Variants in NELL1 observed in about 807,000 individuals in gnomAD.
The protein encoded by NELL1 is protein kinase C-binding protein NELL1.
NELL1 carries 76 observed loss-of-function variants against 107.4 expected under a neutral mutation model. That is an observed-to-expected ratio of 0.71 (90% confidence interval 0.59 to 0.86). The LOEUF (loss-of-function observed/expected upper bound fraction) is 0.86, where lower values mean the gene tolerates loss of function less well. NELL1 is among the 40% of genes least tolerant of loss of function. NELL1 has a pLI of 0.00. For missense variants in NELL1, 1,024 were observed against 1,005.5 expected (o/e 1.02, Z -0.25); for synonymous variants, 353 against 341.2 (o/e 1.03, Z -0.38).
intron 16 of NELL1, among the ~76,000 whole-genome samples, chr11:21,547,458 A>C (rs1183867239): frequency 6.6e-6 from 1 of 151,896 alleles, no homozygotes; most frequent in African/African-American, 2.4e-5. Flanking sequence ...TGTGAAGGGT[A>C]GTGTGTTCTA....
At chr11:21,483,130 C>G (rs1854534443) in intron 15 of NELL1, among the ~76,000 whole-genome samples, 1 of 152,022 alleles carries the variant, frequency 6.6e-6, no homozygotes, top group Admixed American at 6.6e-5. Context: ...TTAGGCAATT[C>G]CAACAGGTAC....
chr11:21,164,388 A>G (rs1327598564), intron 13 of NELL1, among the ~76,000 whole-genome samples: 1 of 152,184 alleles, frequency 6.6e-6, no homozygotes, highest in Non-Finnish European at 1.5e-5. Context: ...TGTGAGTCTC[A>G]ATTCTGTACA....
chr11:21,206,765 G>A (rs1377219764), intron 13 of NELL1, among the ~76,000 whole-genome samples: 3 of 152,058 alleles, frequency 2.0e-5, no homozygotes, highest in South Asian at 4.1e-4. Flanking sequence ...TTCAGAAAGG[G>A]AAAGAACAAC....
intron 13 of NELL1, among the ~76,000 whole-genome samples, chr11:21,218,931 T>G (rs1404602097): frequency 6.6e-6 from 1 of 152,202 alleles, no homozygotes; most frequent in Non-Finnish European, 1.5e-5. Flanking sequence ...CTATTGTGAA[T>G]AATGCTGCAG....
intron 12 of NELL1, among the ~76,000 whole-genome samples, chr11:20,995,518 C>T (rs1440194281): frequency 1.3e-5 from 2 of 151,974 alleles, no homozygotes; most frequent in Admixed American, 1.3e-4. Context: ...GCGGAGGTTA[C>T]AGTGAGCAGA....
intron 2 of NELL1, among the ~76,000 whole-genome samples, chr11:20,678,711 T>C (rs529465296): frequency 1.2e-3 from 182 of 152,306 alleles, no homozygotes; most frequent in African/African-American, 4.3e-3. Context: ...TGGAATGCTG[T>C]GTCCTCAAAT....
chr11:21,522,589 T>A (rs1485501839), intron 15 of NELL1, among the ~76,000 whole-genome samples: 1 of 151,836 alleles, frequency 6.6e-6, no homozygotes, highest in Admixed American at 6.6e-5. Context: ...GGGAGGTGGA[T>A]GATGAGAAAT....
chr11:21,072,639 A>G (rs1590609350), intron 12 of NELL1, among the ~76,000 whole-genome samples: 1 of 152,188 alleles, frequency 6.6e-6, no homozygotes, highest in Admixed American at 6.5e-5. Flanking sequence ...CCCAGCATAT[A>G]AAGCTTGGCA....
chr11:21,413,504 C>T (rs1485783185), intron 15 of NELL1, among the ~76,000 whole-genome samples: 1 of 152,014 alleles, frequency 6.6e-6, no homozygotes, highest in African/African-American at 2.4e-5. Context: ...AATCCTATTC[C>T]CTCATCTTAC....
chr11:20,972,625 A>G (rs536462184), intron 12 of NELL1, among the ~76,000 whole-genome samples: 3 of 152,338 alleles, frequency 2.0e-5, no homozygotes, highest in African/African-American at 7.2e-5. Flanking sequence ...GCAAAAGAGC[A>G]TTTAGTGTGT....
chr11:21,325,492 G>A (rs572161188), intron 14 of NELL1, among the ~76,000 whole-genome samples: 1 of 151,972 alleles, frequency 6.6e-6, no homozygotes, highest in South Asian at 2.1e-4. Flanking sequence ...AAATTTGTGT[G>A]CCTATTTTGG....
At chr11:20,893,627 A>AT (rs548131050) in intron 5 of NELL1, among the ~76,000 whole-genome samples, 6 of 151,210 alleles carry the variant, frequency 4.0e-5, no homozygotes, top group South Asian at 2.1e-4. Flanking sequence ...AGAAAAGGGG[A>AT]TTTTTTTTAA....
chr11:21,120,836 T>C (rs1855350682), intron 13 of NELL1, among the ~76,000 whole-genome samples: 1 of 152,184 alleles, frequency 6.6e-6, no homozygotes, highest in Admixed American at 6.6e-5. Flanking sequence ...ATGATAGTTA[T>C]TTATCTGTTG....
intron 16 of NELL1, among the ~76,000 whole-genome samples, chr11:21,550,148 T>C (rs932416859): frequency 2.0e-5 from 3 of 151,832 alleles, no homozygotes. Flanking sequence ...AGGCAGAAAC[T>C]TTTGGGGTTT....
In NELL1 at chr11:21,068,387, T is replaced by C. The variant is rs537719015; in HGVS notation, c.1301-45202T>C. ...CCAAGACCATGGAGTTAATAAATAG[T>C]AGAGTCAGAATTTAAAGTAGGACCA... On this transcript the variant is annotated intron_variant, in intron 12 of 19. Coordinates refer to ENST00000357134, the MANE Select transcript of NELL1 (RefSeq NM_006157.5). 2.0e-5 allele frequency among the ~76,000 whole-genome samples: 3 copies of C among 152,344 alleles called. No homozygotes were observed. In the East Asian group the frequency reaches 5.8e-4, roughly 29 times the overall value.
intron 15 of NELL1, among the ~76,000 whole-genome samples, chr11:21,505,328 C>T (rs1179348889): frequency 1.3e-5 from 2 of 152,086 alleles, no homozygotes; most frequent in African/African-American, 4.8e-5. Context: ...AATAGAGGAA[C>T]ACATGGACTC....
chr11:20,742,355 G>A (rs1357829466), intron 2 of NELL1, among the ~76,000 whole-genome samples: 2 of 152,252 alleles, frequency 1.3e-5, no homozygotes, highest in Non-Finnish European at 2.9e-5. Flanking sequence ...ATCTTTCCAA[G>A]CAAGAGCAGA....
chr11:21,514,636 T>A (rs1299947263), intron 15 of NELL1, among the ~76,000 whole-genome samples: 1 of 147,956 alleles, frequency 6.8e-6, no homozygotes, highest in Admixed American at 6.8e-5. Context: ...TGGCATCTGA[T>A]TCAATATTTA....
In NELL1 at chr11:20,701,361, A is replaced by T. The variant is rs1440127786; in HGVS notation, c.184+23301A>T. Among the ~76,000 whole-genome samples, 267 of 151,184 alleles carry T rather than the reference A, an allele frequency of 1.8e-3. 2 individuals are homozygous for T. The highest frequency in any genetic ancestry group is 6.2e-3 in the African/African-American group (252 of 40,878). On this transcript the variant is annotated intron_variant, in intron 2 of 19. Transcript: ENST00000357134. ...GCCCACTTTTTGATGGGGTTGTTTGATTTTTTCTTGTAAGTTTGTTTAAGT... is the reference window on the plus strand; with the variant it reads ...GCCCACTTTTTGATGGGGTTGTTTGTTTTTTTCTTGTAAGTTTGTTTAAGT...
Sources: gnomAD v4.1 joint callset for allele counts (sites outside exome capture counted in the v4.1 genomes callset) on GRCh38, gnomAD v4.1.1 for gene constraint, MANE v1.5 for transcripts, NCBI Gene and HGNC (gene_info 2026-07-23, HGNC 2026-07-21) for gene names.